Variants in CD200R1 observed in about 807,000 individuals in gnomAD.
CD200R1 encodes cell surface glycoprotein CD200 receptor 1.
Under a neutral mutation model 38.1 loss-of-function variants are expected in CD200R1, and 30 were observed. That is an observed-to-expected ratio of 0.79 (90% confidence interval 0.59 to 1.07). The LOEUF (loss-of-function observed/expected upper bound fraction) is 1.07. CD200R1 is among the 50% of genes least tolerant of loss of function. The pLI, the probability that CD200R1 is intolerant of heterozygous loss-of-function variation, is 0.00. For synonymous variants in CD200R1, 128 were observed against 152.1 expected (o/e 0.84, Z 1.16); for missense variants, 372 against 415.4 (o/e 0.90, Z 0.91).
At chr3:112,933,603 C>T (rs916706414) in intron 2 of CD200R1, among the ~76,000 whole-genome samples, 1 of 151,988 alleles carries the variant, frequency 6.6e-6, no homozygotes, top group Admixed American at 6.6e-5. Context: ...GATAGACCCC[C>T]CAAATCAACC....
Position 112,974,937 on chromosome 3 carries a change from C to A in CD200R1, c.-80G>T. On this transcript the variant is annotated 5_prime_UTR_variant, in exon 1 of 8. Transcript: ENST00000308611. ...AGAAGGAACTGTGCGCATGGTGAGA[C>A]CCTCTCTGGTCAACTTCTCAGTACA... 8.8e-7 allele frequency: 1 copy of A among 1,138,468 alleles called. No homozygotes were observed. The allele number at this position is 1,138,468 out of a possible 1,614,324, so 70.5% of individuals were successfully genotyped here. A position where few individuals can be genotyped will look rare whatever the true frequency, so the allele number is the denominator to read the frequency against.
At chr3:112,939,869 C>CAAAAAAAAA (rs199986714) in intron 2 of CD200R1, among the ~76,000 whole-genome samples, 1 of 120,392 alleles carries the variant, frequency 8.3e-6, no homozygotes, top group African/African-American at 3.1e-5. Context: ...ACAAACAAAC[C>CAAAAAAAAA]AAAAAAAAAA....
intron 1 of CD200R1, among the ~76,000 whole-genome samples, chr3:112,967,611 A>G (rs1200525258): frequency 6.6e-6 from 1 of 152,238 alleles, no homozygotes; most frequent in East Asian, 1.9e-4. Flanking sequence ...CATGAAGCAC[A>G]GTGACTGATA....
chr3:112,937,325 T>C (rs1002142325), intron 2 of CD200R1, among the ~76,000 whole-genome samples: 10 of 152,156 alleles, frequency 6.6e-5, no homozygotes, highest in African/African-American at 1.9e-4. Flanking sequence ...ATGGAGATTA[T>C]AGAAACTACA....
intron 7 of CD200R1, 99 bp downstream of exon 7, chr3:112,924,391 C>T (rs1438859393): frequency 8.6e-6 from 8 of 931,280 alleles, no homozygotes; most frequent in Non-Finnish European, 1.0e-5. Context: ...TTTAGTTTTT[C>T]AACTGAAACA....
At position 112,921,360 on chromosome 3, in the gene CD200R1, G is replaced by A. The variant is rs139908244; in HGVS notation, c.*2317C>T. ...ATATCAATTATATCTCAGTAAAGCC[G>A]TTTTCAGAAGTTTGTAAGTGAAGCA... On this transcript the variant is annotated 3_prime_UTR_variant, in exon 8 of 8. Transcript: ENST00000308611. 15 of 152,014 alleles carry A rather than the reference G, an allele frequency of 9.9e-5. No individual in the cohort carries two copies. Among genetic ancestry groups the A allele is most frequent in the East Asian group, 5.8e-4 (3 of 5,158 alleles). The allele number at this position is 152,014 out of a possible 1,614,324, so 9.4% of individuals were successfully genotyped here. A position where few individuals can be genotyped will look rare whatever the true frequency, so the allele number is the denominator to read the frequency against.
chr3:112,970,367 A>C (rs1292553574), intron 1 of CD200R1, among the ~76,000 whole-genome samples: 1 of 152,180 alleles, frequency 6.6e-6, no homozygotes, highest in Non-Finnish European at 1.5e-5. Flanking sequence ...AAAAGGGCTG[A>C]TTGTGACTGT....
intron 5 of CD200R1, 40 bp downstream of exon 5, chr3:112,928,776 A>C: frequency 6.8e-7 from 1 of 1,481,032 alleles, no homozygotes; most frequent in Non-Finnish European, 9.2e-7. Context: ...TTTTAAAAGA[A>C]TGGAAAAAAA....
At chr3:112,970,738 C>T (rs905140178) in intron 1 of CD200R1, among the ~76,000 whole-genome samples, 1 of 152,108 alleles carries the variant, frequency 6.6e-6, no homozygotes, top group African/African-American at 2.4e-5. Flanking sequence ...AATTTATCTA[C>T]GGTAAACTCT....
At chr3:112,924,976 G>A in intron 6 of CD200R1, 109 bp downstream of exon 6, 2 of 693,514 alleles carry the variant, frequency 2.9e-6, no homozygotes, top group South Asian at 1.7e-5. Context: ...TTGATTATGG[G>A]AGATTTGATG....
intron 2 of CD200R1, among the ~76,000 whole-genome samples, chr3:112,932,653 A>G (rs920360070): frequency 6.6e-6 from 1 of 151,628 alleles, no homozygotes; most frequent in Non-Finnish European, 1.5e-5. Context: ...CCACACCAAC[A>G]CTCAGGATCT....
rs541742542 is a variant in CD200R1 at position 112,936,783 on chromosome 3, G to A, written c.137-5612C>T. ...TACTCTGTTGATAGTTTCTTTGGCT[G>A]TGCAGAAGCTCTTTAGTTTAATCAG... On this transcript the variant is annotated intron_variant, in intron 2 of 7. Transcript: ENST00000308611. Among the ~76,000 whole-genome samples, 55 of 152,276 alleles carry A rather than the reference G, an allele frequency of 3.6e-4. No homozygotes were observed. The Middle Eastern group carries it at 0.01, about 28-fold the overall frequency.
Position 112,923,755 on chromosome 3 carries a change from A to T in CD200R1, c.969T>A (p.Pro323=). Residue 323 remains proline, a synonymous_variant, in exon 8 of 8, where the codon CCT becomes CCA. Transcript: ENST00000308611. ...PYASYTEKNN[P]LYDTTNKVKA... ...TCACCTTGTTTGTAGTATCATAGAG[A>T]GGATTGTTCTTCTCTGTGTAGCTGG... is the stretch of plus-strand genomic sequence containing the variant. The T allele has an allele frequency of 6.2e-7, 1 of 1,608,696 alleles. No individual in the cohort carries two copies. The highest frequency in any genetic ancestry group is 8.5e-7 in the Non-Finnish European group (1 of 1,176,884).
chr3:112,929,176 A>G lies in CD200R1; in HGVS notation c.520+14T>C, dbSNP rs765209224. On this transcript the variant is annotated intron_variant, in intron 4 of 7. Transcript: ENST00000308611. Reference sequence around the variant, plus strand: ...CTGGTGATGTGAAATACCTCAATATATGATGCTCCTTACCTAACACTTGGA... The same window carrying G: ...CTGGTGATGTGAAATACCTCAATATGTGATGCTCCTTACCTAACACTTGGA... The G allele has an allele frequency of 5.0e-6, 8 of 1,613,998 alleles. No homozygotes were observed. In the East Asian group the frequency reaches 1.8e-4, roughly 36 times the overall value.
rs139055760 is a variant in CD200R1 at position 112,939,267 on chromosome 3, T to G, written c.137-8096A>C. On this transcript the variant is annotated intron_variant, in intron 2 of 7. Transcript: ENST00000308611. Reference sequence around the variant, plus strand: ...GTTATTCAAGATAGTACTGGAAGTCTGGCCCAGAGAAATTAGGCAAGAAAA... The same window carrying G: ...GTTATTCAAGATAGTACTGGAAGTCGGGCCCAGAGAAATTAGGCAAGAAAA... Among the ~76,000 whole-genome samples the G allele has an allele frequency of 1.4e-4, 22 of 152,060 alleles. No homozygotes were observed. The East Asian group carries it at 4.2e-3, about 29-fold the overall frequency.
intron 1 of CD200R1, among the ~76,000 whole-genome samples, chr3:112,956,626 G>A (rs961241915): frequency 1.4e-4 from 21 of 152,118 alleles, no homozygotes; most frequent in Non-Finnish European, 5.9e-5. Flanking sequence ...TGAAGAAGTA[G>A]GCACTTCATA....
At chr3:112,932,107 A>C (rs972250835) in intron 2 of CD200R1, among the ~76,000 whole-genome samples, 2 of 152,170 alleles carry the variant, frequency 1.3e-5, no homozygotes, top group Non-Finnish European at 2.9e-5. Flanking sequence ...GATAAGGGGC[A>C]CAATGTGTAC....
chr3:112,974,351 G>T (rs559599743), intron 1 of CD200R1, among the ~76,000 whole-genome samples: 1 of 152,248 alleles, frequency 6.6e-6, no homozygotes, highest in African/African-American at 2.4e-5. Context: ...TGGGAGGACT[G>T]CTTGAGACCT....
At chr3:112,952,524 A>C (rs1940988943) in intron 1 of CD200R1, among the ~76,000 whole-genome samples, 1 of 152,058 alleles carries the variant, frequency 6.6e-6, no homozygotes, top group Non-Finnish European at 1.5e-5. Context: ...TTCTCAGTAA[A>C]CTATCGCAAG....
Sources: gnomAD v4.1 joint callset for allele counts (sites outside exome capture counted in the v4.1 genomes callset) on GRCh38, gnomAD v4.1.1 for gene constraint, MANE v1.5 for transcripts, NCBI Gene and HGNC (gene_info 2026-07-23, HGNC 2026-07-21) for gene names.